Variants in GFRA2 observed in about 807,000 individuals in gnomAD.
GFRA2 encodes the protein GDNF family receptor alpha 2, also known as GDNF family receptor alpha-2.
Under a neutral mutation model 48.3 loss-of-function variants are expected in GFRA2, and 17 were observed. That is an observed-to-expected ratio of 0.35 (90% CI 0.24 to 0.53). The LOEUF (loss-of-function observed/expected upper bound fraction) is 0.53. Among genes scored for constraint, GFRA2 ranks in the 20% least tolerant of loss-of-function variants. The pLI is 0.93. For missense variants in GFRA2, 660 were observed against 637.3 expected (o/e 1.04, Z -0.38); for synonymous variants, 305 against 257.2 (o/e 1.19, Z -1.78).
At chr8:21,693,639 T>C (rs1437692845) in intron 8 of GFRA2, among the ~76,000 whole-genome samples, 1 of 151,146 alleles carries the variant, frequency 6.6e-6, no homozygotes, top group Non-Finnish European at 1.5e-5. Context: ...AGCCCTGGGG[T>C]TTGGAGAGGA....
Position 21,692,115 on chromosome 8 carries a change from C to G in GFRA2, c.*1163G>C, listed in dbSNP as rs747834420. 6.6e-6 allele frequency: 1 copy of G among 152,532 alleles called. No homozygotes were observed. The highest frequency in any genetic ancestry group is 2.4e-5 in the African/African-American group (1 of 41,424). The allele number at this position is 152,532 out of a possible 1,614,324, so 9.4% of individuals were successfully genotyped here. A position where few individuals can be genotyped will look rare whatever the true frequency, so the allele number is the denominator to read the frequency against. On this transcript the variant is annotated 3_prime_UTR_variant, in exon 9 of 9. Transcript: ENST00000524240. The stretch of plus-strand genomic sequence containing the variant: ...CCAGGCTGACTGGGGCAGGGCACTG[C>G]GGGGCCAATGTCCTTTTTCCCCATT...
At chr8:21,731,016 G>A (rs1370736085) in intron 4 of GFRA2, among the ~76,000 whole-genome samples, 3 of 152,002 alleles carry the variant, frequency 2.0e-5, no homozygotes, top group South Asian at 4.1e-4. Flanking sequence ...TCCCTTCCTC[G>A]TGTTGCGGAC....
intron 7 of GFRA2, among the ~76,000 whole-genome samples, chr8:21,702,085 T>C (rs1286849401): frequency 6.6e-6 from 1 of 152,160 alleles, no homozygotes; most frequent in Non-Finnish European, 1.5e-5. Flanking sequence ...CGCTCTAGCA[T>C]GAAATTGAGC....
At chr8:21,728,209 C>T (rs73219527) in intron 4 of GFRA2, among the ~76,000 whole-genome samples, 7,334 of 149,512 alleles carry the variant, frequency 0.049, 245 homozygotes, top group Non-Finnish European at 0.072. Context: ...CCAGGACACA[C>T]TGGATTCCTG....
chr8:21,776,402 C>T (rs1345071452), intron 2 of GFRA2, among the ~76,000 whole-genome samples: 2 of 151,980 alleles, frequency 1.3e-5, no homozygotes, highest in Non-Finnish European at 2.9e-5. Context: ...CCTCATGCCC[C>T]GCAACACCCA....
At chr8:21,736,529 C>T (rs1804472583) in intron 4 of GFRA2, among the ~76,000 whole-genome samples, 1 of 152,024 alleles carries the variant, frequency 6.6e-6, no homozygotes, top group Admixed American at 6.6e-5. Context: ...CAGGGTCTCA[C>T]TCTGTTGCTG....
intron 4 of GFRA2, among the ~76,000 whole-genome samples, chr8:21,749,935 C>T (rs1328643955): frequency 1.3e-5 from 2 of 152,060 alleles, no homozygotes; most frequent in Non-Finnish European, 2.9e-5. Context: ...AAGCTTAGCG[C>T]AGAGCCTAGA....
At chr8:21,745,814 C>CT (rs1445705201) in intron 4 of GFRA2, among the ~76,000 whole-genome samples, 1 of 152,176 alleles carries the variant, frequency 6.6e-6, no homozygotes, top group Non-Finnish European at 1.5e-5. Context: ...AGCCACTCCT[C>CT]TCCTTCCAGG....
rs1805026608 is a variant in GFRA2, at chr8:21,746,784, C to T, written c.794+3804G>A. Among the ~76,000 whole-genome samples the T allele has an allele frequency of 2.0e-5, 3 of 150,792 alleles. No homozygotes were observed. In the South Asian group the frequency reaches 6.3e-4, roughly 32 times the overall value. ...TTCTCCTGTTTCCTAGCTTCCCCCA[C>T]CTCCAGAAAAGCAAAAAAAAAAAAG... On this transcript the variant is annotated intron_variant, in intron 4 of 8. Transcript: ENST00000524240.
At chr8:21,761,346 T>A (rs927878104) in intron 3 of GFRA2, among the ~76,000 whole-genome samples, 1 of 152,210 alleles carries the variant, frequency 6.6e-6, no homozygotes, top group Non-Finnish European at 1.5e-5. Context: ...ACATTCTAGC[T>A]CAGGTGAGAG....
intron 4 of GFRA2, among the ~76,000 whole-genome samples, chr8:21,713,531 C>A (rs1306867469): frequency 1.3e-5 from 2 of 151,912 alleles, no homozygotes; most frequent in Non-Finnish European, 2.9e-5. Flanking sequence ...AAGCCTCCAG[C>A]AAAGGGGAAG....
chr8:21,712,452 G>A (rs1456135184), intron 4 of GFRA2, among the ~76,000 whole-genome samples: 81 of 151,960 alleles, frequency 5.3e-4, no homozygotes, highest in African/African-American at 1.8e-3. Flanking sequence ...ATGGGATGGT[G>A]GCCGGGAAGA....
chr8:21,694,588 A>AGAT, intron 7 of GFRA2, 71 bp from the exon 8 acceptor site: 1 of 1,423,138 alleles, frequency 7.0e-7, no homozygotes, highest in Non-Finnish European at 9.7e-7. Context: ...CCAGAGACTT[A>AGAT]GATGAGGCCC....
In GFRA2 at chr8:21,693,254, AT is replaced by A; in HGVS notation, c.*23del. 1 of 1,596,786 alleles carries A rather than the reference AT, an allele frequency of 6.3e-7. No homozygotes were observed. The highest frequency in any genetic ancestry group is 8.6e-7 in the Non-Finnish European group (1 of 1,169,054). Reference sequence around the variant, plus strand: ...GTTCTTGTCTGCGTAGCTTTCAAAAATATTCTGACTCGGTTCCCACAGCCTA... The same window carrying A: ...GTTCTTGTCTGCGTAGCTTTCAAAAAATTCTGACTCGGTTCCCACAGCCTA... On this transcript the variant is annotated 3_prime_UTR_variant, in exon 9 of 9. Coordinates refer to ENST00000524240, the MANE Select transcript of GFRA2 (RefSeq NM_001495.5).
chr8:21,720,881 C>A (rs1458978915), intron 4 of GFRA2, among the ~76,000 whole-genome samples: 1 of 152,080 alleles, frequency 6.6e-6, no homozygotes, highest in African/African-American at 2.4e-5. Context: ...GCTATGAGTT[C>A]CTTCAGAATA....
chr8:21,781,743 C>T (rs1218417842), intron 2 of GFRA2, among the ~76,000 whole-genome samples: 7 of 152,254 alleles, frequency 4.6e-5, no homozygotes, highest in African/African-American at 9.6e-5. Context: ...GCAGACAGTA[C>T]GCTCTCAATA....
intron 4 of GFRA2, among the ~76,000 whole-genome samples, chr8:21,708,093 G>A (rs1802839036): frequency 1.3e-5 from 2 of 152,298 alleles, no homozygotes; most frequent in South Asian, 4.2e-4. Context: ...TTTCTGGCAG[G>A]CCCCAGTGCT....
At chr8:21,754,871 G>A (rs1345083725) in intron 3 of GFRA2, among the ~76,000 whole-genome samples, 2 of 152,134 alleles carry the variant, frequency 1.3e-5, no homozygotes, top group African/African-American at 2.4e-5. Context: ...AAAAATAAAA[G>A]AGGGGAGGGT....
chr8:21,759,255 G>A (rs1253788162), intron 3 of GFRA2, among the ~76,000 whole-genome samples: 5 of 151,776 alleles, frequency 3.3e-5, no homozygotes, highest in Admixed American at 6.6e-5. Context: ...GAGTGGTGGC[G>A]TGCACCTGTA....
Sources: allele counts gnomAD v4.1 joint callset (sites outside exome capture counted in the v4.1 genomes callset), GRCh38; gene constraint gnomAD v4.1.1; transcripts MANE v1.5; gene names NCBI Gene and HGNC (gene_info 2026-07-23, HGNC 2026-07-21).